Variants in EPHA6 observed in about 807,000 individuals in gnomAD.
The protein encoded by EPHA6 is EPH receptor A6, also known as ephrin type-A receptor 6.
In EPHA6, 50 loss-of-function variants were observed where a neutral mutation model predicts 112.0. The observed-to-expected ratio is 0.45, with a 90% CI of 0.36 to 0.56. The LOEUF (loss-of-function observed/expected upper bound fraction) is 0.56. Among genes scored for constraint, EPHA6 ranks in the 20% least tolerant of loss-of-function variants. EPHA6 has a pLI of 0.00. For missense variants in EPHA6, 1,280 were observed against 1,417.4 expected (o/e 0.90, Z 1.56); for synonymous variants, 529 against 490.7 (o/e 1.08, Z -1.03).
intron 5 of EPHA6, among the ~76,000 whole-genome samples, chr3:97,258,648 C>T (rs2079395621): frequency 6.6e-6 from 1 of 152,014 alleles, no homozygotes; most frequent in Non-Finnish European, 1.5e-5. Context: ...GTTGAAATGA[C>T]CAGTAGTTTC....
At chr3:96,980,983 A>T (rs2042745791) in intron 2 of EPHA6, among the ~76,000 whole-genome samples, 1 of 152,212 alleles carries the variant, frequency 6.6e-6, no homozygotes, top group Non-Finnish European at 1.5e-5. Flanking sequence ...ATATACAAGC[A>T]TGTCATCTGC....
intron 5 of EPHA6, among the ~76,000 whole-genome samples, chr3:97,389,405 C>T (rs1010274023): frequency 1.3e-5 from 2 of 152,064 alleles, no homozygotes; most frequent in African/African-American, 2.4e-5. Context: ...CTCCCTTATA[C>T]GTGACCTAAT....
intron 11 of EPHA6, among the ~76,000 whole-genome samples, chr3:97,560,071 G>A (rs1482359047): frequency 6.6e-6 from 1 of 151,598 alleles, no homozygotes; most frequent in African/African-American, 2.4e-5. Context: ...ACTATCTAGA[G>A]TGAGAGTCAA....
At chr3:96,911,278 A>G (rs1189439898) in intron 2 of EPHA6, among the ~76,000 whole-genome samples, 2 of 152,002 alleles carry the variant, frequency 1.3e-5, no homozygotes, top group Non-Finnish European at 2.9e-5. Context: ...CAGAAAGTTG[A>G]TTCTATTTCT....
intron 2 of EPHA6, among the ~76,000 whole-genome samples, chr3:96,867,478 A>G (rs1018901030): frequency 2.0e-5 from 3 of 151,718 alleles, no homozygotes; most frequent in African/African-American, 4.8e-5. Flanking sequence ...GACTTTTTAT[A>G]TATTTTTATA....
chr3:97,717,595 A>C (rs1441081487), intron 14 of EPHA6, among the ~76,000 whole-genome samples: 3 of 152,160 alleles, frequency 2.0e-5, no homozygotes, highest in Admixed American at 1.3e-4. Context: ...AGGAAAGAAC[A>C]AAGTCATATT....
intron 14 of EPHA6, among the ~76,000 whole-genome samples, chr3:97,672,836 G>A (rs546447987): frequency 2.6e-5 from 4 of 152,296 alleles, no homozygotes; most frequent in Admixed American, 6.5e-5. Flanking sequence ...GCTCTAAAAA[G>A]TTGAACTATG....
At chr3:97,179,744 T>TCTCTCTCG (rs2108447821) in intron 3 of EPHA6, among the ~76,000 whole-genome samples, 1 of 151,126 alleles carries the variant, frequency 6.6e-6, no homozygotes, top group African/African-American at 2.4e-5. Flanking sequence ...TCTCTCTCTC[T>TCTCTCTCG]CTCTCTCTCT....
At chr3:97,611,699 A>G (rs1367871385) in intron 13 of EPHA6, among the ~76,000 whole-genome samples, 7 of 151,862 alleles carry the variant, frequency 4.6e-5, no homozygotes, top group African/African-American at 7.2e-5. Flanking sequence ...ATCTATATAT[A>G]TATAACTATT....
chr3:96,862,058 T>C (rs1197746985), intron 1 of EPHA6, among the ~76,000 whole-genome samples: 3 of 151,958 alleles, frequency 2.0e-5, no homozygotes, highest in African/African-American at 7.2e-5. Flanking sequence ...ATGTTAAAAC[T>C]GGATTAATTT....
chr3:97,743,217 C>A (rs569398786), intron 16 of EPHA6, among the ~76,000 whole-genome samples: 48 of 152,066 alleles, frequency 3.2e-4, no homozygotes, highest in Non-Finnish European at 6.6e-4. Flanking sequence ...TGAAAATATT[C>A]ATCATGAATC....
At chr3:97,648,001 A>T (rs971686321) in intron 14 of EPHA6, among the ~76,000 whole-genome samples, 10 of 152,144 alleles carry the variant, frequency 6.6e-5, no homozygotes, top group African/African-American at 1.2e-4. Context: ...TCAGATTTTT[A>T]AAAAAATTCT....
At chr3:97,208,037 C>A (rs1250345506) in intron 3 of EPHA6, among the ~76,000 whole-genome samples, 1 of 152,124 alleles carries the variant, frequency 6.6e-6, no homozygotes, top group African/African-American at 2.4e-5. Flanking sequence ...CTGACATGCC[C>A]TAGTCTCTGG....
intron 6 of EPHA6, among the ~76,000 whole-genome samples, chr3:97,408,199 G>A (rs1470279618): frequency 2.0e-5 from 3 of 151,984 alleles, no homozygotes; most frequent in African/African-American, 7.2e-5. Flanking sequence ...AGCCTTCATG[G>A]CCTAATGATC....
chr3:96,952,501 T>C (rs933841255), intron 2 of EPHA6, among the ~76,000 whole-genome samples: 2 of 152,190 alleles, frequency 1.3e-5, no homozygotes, highest in African/African-American at 4.8e-5. Context: ...CTCTTTTGCT[T>C]GTGCTTCTTG....
chr3:96,921,859 C>T (rs979985629), intron 2 of EPHA6, among the ~76,000 whole-genome samples: 5 of 152,050 alleles, frequency 3.3e-5, no homozygotes, highest in African/African-American at 7.2e-5. Context: ...TGAGCCACTG[C>T]GCCCAGCCTA....
intron 3 of EPHA6, among the ~76,000 whole-genome samples, chr3:97,019,393 G>A (rs754865018): frequency 5.3e-5 from 8 of 151,998 alleles, no homozygotes; most frequent in Non-Finnish European, 1.2e-4. Context: ...ATTTGAGGAG[G>A]CACTCCACAA....
rs184998435 is a variant in EPHA6, at chr3:97,075,018, A to G, written c.1114+87025A>G. ...GATGTAGAATAGTGTCTGCTTTTCTACCATTGTAGGGAGAAAAATTGATTT... is the reference window on the plus strand; with the variant it reads ...GATGTAGAATAGTGTCTGCTTTTCTGCCATTGTAGGGAGAAAAATTGATTT... On this transcript the variant is annotated intron_variant, in intron 3 of 17. Coordinates refer to ENST00000389672, the MANE Select transcript of EPHA6 (RefSeq NM_001080448.3). 1.9e-3 allele frequency among the ~76,000 whole-genome samples: 295 copies of G among 152,070 alleles called. 1 individual carries two copies. The highest frequency in any genetic ancestry group is 3.4e-3 in the Middle Eastern group (1 of 294).
intron 3 of EPHA6, among the ~76,000 whole-genome samples, chr3:97,168,097 A>G (rs1424465970): frequency 1.3e-5 from 2 of 152,146 alleles, no homozygotes; most frequent in African/African-American, 4.8e-5. Flanking sequence ...TCCTTTTCAC[A>G]TGATGGCATG....
Sources: gnomAD v4.1 joint callset for allele counts (sites outside exome capture counted in the v4.1 genomes callset) on GRCh38, gnomAD v4.1.1 for gene constraint, MANE v1.5 for transcripts, NCBI Gene and HGNC (gene_info 2026-07-23, HGNC 2026-07-21) for gene names.